Variants in MGA observed in about 807,000 individuals in gnomAD.
MGA encodes MAX gene-associated protein.
A neutral mutation model predicts 261.1 loss-of-function variants in MGA; 40 were observed. The ratio of observed to expected loss-of-function variants is 0.15; its 90% CI spans 0.12 to 0.20. The LOEUF (loss-of-function observed/expected upper bound fraction) is 0.20, where lower values mean the gene tolerates loss of function less well. Ranked by LOEUF, MGA falls within the 10% of genes least tolerant of loss-of-function variation. The pLI is 1.00. For synonymous variants in MGA, 1,302 were observed against 1,290.6 expected, an observed-to-expected ratio of 1.01 and a Z score of -0.19; for missense variants, 3,397 against 3,630.5, an observed-to-expected ratio of 0.94 and a Z score of 1.65.
intron 14 of MGA, among the ~76,000 whole-genome samples, chr15:41,740,610 A>C (rs2062036939): frequency 6.6e-6 from 1 of 152,140 alleles, no homozygotes. Flanking sequence ...TATTTTACTA[A>C]ATTAAAAATA....
At chr15:41,765,890 G>C (rs2063772744) in intron 23 of MGA, 114 bp from the exon 24 acceptor site, 4 of 800,804 alleles carry the variant, frequency 5.0e-6, no homozygotes, top group Non-Finnish European at 7.7e-6. Flanking sequence ...TAAAAGTAGA[G>C]TGCTGAATTT....
Position 41,766,780 on chromosome 15 carries a change from C to G in MGA, c.8698C>G (p.Leu2900Val), listed in dbSNP as rs763037602. Residue 2900 changes from leucine (L) to valine (V), a missense_variant, in exon 24 of 24, where the codon CTC becomes GTC. Leu to Val is a conservative substitution (Grantham distance 32). Coordinates refer to ENST00000219905, the MANE Select transcript of MGA (RefSeq NM_001164273.2). The stretch of plus-strand genomic sequence containing the variant: ...AGGGGAGAGTGACTCTATCAGTCCC[C>G]TCCTCTTGCACTTGGAAGACGATGA... The G allele has an allele frequency of 6.2e-7, 1 of 1,613,976 alleles. No homozygotes were observed. The highest frequency in any genetic ancestry group is 8.5e-7 in the Non-Finnish European group (1 of 1,179,882).
chr15:41,632,202 A>G (rs2056603970), intron 1 of MGA, among the ~76,000 whole-genome samples: 2 of 152,212 alleles, frequency 1.3e-5, no homozygotes, highest in African/African-American at 4.8e-5. Flanking sequence ...AGGACTAGAT[A>G]GTAAATATTT....
chr15:41,727,603 G>C (rs1197305982), intron 10 of MGA, among the ~76,000 whole-genome samples, 197 bp downstream of exon 10: 1 of 152,156 alleles, frequency 6.6e-6, no homozygotes, highest in Non-Finnish European at 1.5e-5. Context: ...ATGAGTAGTA[G>C]TAATTTTAAA....
In MGA at chr15:41,713,320, G is replaced by A. The variant is rs1317411150; in HGVS notation, c.3254G>A (p.Arg1085Lys). 4 of 1,613,840 alleles carry A rather than the reference G, an allele frequency of 2.5e-6. No individual in the cohort carries two copies. The highest frequency in any genetic ancestry group is 1.3e-5 in the African/African-American group (1 of 74,894). ...ATGTTTGGTTGTACTTGTTTGAAAA[G>A]AAAAGTTGTACTTGTTAAAGGAGGA... Residue 1085 changes from arginine to lysine, a missense_variant, in exon 9 of 24, where the codon AGA becomes AAA. By Grantham distance (26) the Arg-to-Lys change is conservative. Transcript: ENST00000219905.
intron 1 of MGA, among the ~76,000 whole-genome samples, chr15:41,636,459 ATTTT>A (rs1017999541): frequency 2.3e-5 from 2 of 87,430 alleles, no homozygotes; most frequent in Admixed American, 1.2e-4. Context: ...TGCTTGGCTA[ATTTT>A]TTTTTTTTTT....
chr15:41,669,503 G>A lies in MGA; in HGVS notation c.609G>A (p.Arg203=). 6.2e-7 allele frequency: 1 copy of A among 1,613,980 alleles called. No individual in the cohort carries two copies. The highest frequency in any genetic ancestry group is 8.5e-7 in the Non-Finnish European group (1 of 1,179,900). The stretch of plus-strand genomic sequence containing the variant: ...ACTCTATGCATCGTTACCTGCCGAG[G>A]CTTCATTTGGTGCCTGCAGAAAAGG... Residue 203 remains arginine, a synonymous_variant, in exon 2 of 24, where the codon AGG becomes AGA. Transcript: ENST00000219905.
At chr15:41,689,451 A>G (rs2059150646) in intron 2 of MGA, among the ~76,000 whole-genome samples, 1 of 151,246 alleles carries the variant, frequency 6.6e-6, no homozygotes, top group Non-Finnish European at 1.5e-5. Context: ...AAAAATAAAA[A>G]AAGTCAGTAG....
intron 5 of MGA, among the ~76,000 whole-genome samples, chr15:41,702,308 G>A (rs1042231580): frequency 7.6e-5 from 10 of 131,562 alleles, no homozygotes; most frequent in Non-Finnish European, 1.5e-4. Context: ...GGGCGACACA[G>A]TGAGACATTG....
intron 2 of MGA, among the ~76,000 whole-genome samples, chr15:41,676,543 C>A (rs1219894359): frequency 6.6e-6 from 1 of 152,198 alleles, no homozygotes; most frequent in Admixed American, 6.5e-5. Context: ...TTCCCACAAT[C>A]TAGAATCCTG....
rs200665653 is a variant in MGA at position 41,748,893 on chromosome 15, G to A, written c.5469G>A (p.Gln1823=). The change falls in exon 16 of 24, where the codon CAG becomes CAA. Residue 1823 remains glutamine (Q), a synonymous_variant. Coordinates refer to ENST00000219905, the MANE Select transcript of MGA (RefSeq NM_001164273.2). ...ATCAGCTTCGAGGCTCTAATACCCAGCCCAACTTACAGCCTGTCATGTTTC... is the reference window on the plus strand; with the variant it reads ...ATCAGCTTCGAGGCTCTAATACCCAACCCAACTTACAGCCTGTCATGTTTC... 6 of 1,613,886 alleles carry A rather than the reference G, an allele frequency of 3.7e-6. No individual in the cohort carries two copies. The highest frequency in any genetic ancestry group is 5.1e-6 in the Non-Finnish European group (6 of 1,179,870).
intron 3 of MGA, among the ~76,000 whole-genome samples, chr15:41,697,618 T>C (rs2059609781): frequency 6.6e-6 from 1 of 152,026 alleles, no homozygotes; most frequent in African/African-American, 2.4e-5. Context: ...GGTTTTGCAA[T>C]GTTGGCCAGC....
At chr15:41,623,759 T>TTATA (rs1273006385) in intron 1 of MGA, among the ~76,000 whole-genome samples, 3 of 133,538 alleles carry the variant, frequency 2.2e-5, no homozygotes, top group African/African-American at 5.4e-5. Context: ...GGTGAATTAT[T>TTATA]TATATATATA....
At position 41,767,505 on chromosome 15, in the gene MGA, C is replaced by T; in HGVS notation, c.*225C>T. 2 of 560,888 alleles carry T rather than the reference C, an allele frequency of 3.6e-6. No homozygotes were observed. Among genetic ancestry groups the T allele is most frequent in the Non-Finnish European group, 3.2e-6 (1 of 317,316 alleles). The allele number at this position is 560,888 out of a possible 1,614,324, so 34.7% of individuals were successfully genotyped here. On this transcript the variant is annotated 3_prime_UTR_variant, in exon 24 of 24. Coordinates refer to ENST00000219905, the MANE Select transcript of MGA (RefSeq NM_001164273.2). ...TTACCTCACTTGTGGTGCTGGGTCCCCTCATCCTCTCTAAGAAGATGTGAT... is the reference window on the plus strand; with the variant it reads ...TTACCTCACTTGTGGTGCTGGGTCCTCTCATCCTCTCTAAGAAGATGTGAT...
Position 41,711,293 on chromosome 15 carries a change from A to G in MGA, c.3028A>G (p.Thr1010Ala). 1.2e-6 allele frequency: 2 copies of G among 1,613,886 alleles called. No individual in the cohort carries two copies. Among genetic ancestry groups the G allele is most frequent in the Non-Finnish European group, 1.7e-6 (2 of 1,179,842 alleles). The change falls in exon 8 of 24, where the codon ACA (threonine) becomes GCA (alanine). Residue 1010 changes from threonine (T) to alanine (A), a missense_variant. Physicochemically the swap from Thr to Ala is moderately conservative, Grantham distance 58. Transcript: ENST00000219905. ...TGCACTTTGGGAAGGAAAACCAAGG[A>G]CATACATCACAGAAGAGCGAGCAGA...
At chr15:41,700,265 C>G (rs1169015923) in intron 5 of MGA, among the ~76,000 whole-genome samples, 1 of 151,964 alleles carries the variant, frequency 6.6e-6, no homozygotes, top group African/African-American at 2.4e-5. Flanking sequence ...CCAGGATGGT[C>G]TCGATCTCCT....
At chr15:41,700,430 G>A (rs1180125479) in intron 5 of MGA, among the ~76,000 whole-genome samples, 1 of 152,108 alleles carries the variant, frequency 6.6e-6, no homozygotes, top group Non-Finnish European at 1.5e-5. Context: ...GGTGTGTGAT[G>A]TTCCCCTCCT....
intron 2 of MGA, among the ~76,000 whole-genome samples, chr15:41,692,498 T>C (rs1238893149): frequency 6.6e-6 from 1 of 152,228 alleles, no homozygotes; most frequent in African/African-American, 2.4e-5. Context: ...ACAGTGCAAA[T>C]GCTGCTTAGG....
At position 41,677,781 on chromosome 15, in the gene MGA, CGTT is replaced by C. The variant is rs556562526; in HGVS notation, c.1064+7824_1064+7826del. 4.9e-4 allele frequency among the ~76,000 whole-genome samples: 74 copies of C among 152,074 alleles called. No homozygotes were observed. The South Asian group carries it at 0.011, about 22-fold the overall frequency. On this transcript the variant is annotated intron_variant, in intron 2 of 23. Coordinates refer to ENST00000219905, the MANE Select transcript of MGA (RefSeq NM_001164273.2). ...TGCTTTGCCCATTTAAAAATTGAGT[CGTT>C]ATTTTGTTATTGAGATGCAGGAGTT... is the stretch of plus-strand genomic sequence containing the variant.
Sources: allele counts gnomAD v4.1 joint callset (sites outside exome capture counted in the v4.1 genomes callset), GRCh38; gene constraint gnomAD v4.1.1; transcripts MANE v1.5; gene names NCBI Gene and HGNC (gene_info 2026-07-23, HGNC 2026-07-21).